Variants in LRFN5 observed in about 807,000 individuals in gnomAD.
LRFN5 encodes the protein leucine-rich repeat and fibronectin type-III domain-containing protein 5.
Under a neutral mutation model 45.6 loss-of-function variants are expected in LRFN5, and 24 were observed. That is an observed-to-expected ratio of 0.53 (90% CI 0.38 to 0.74). LRFN5 has a LOEUF of 0.74. Among genes scored for constraint, LRFN5 ranks in the 30% least tolerant of loss-of-function variants. LRFN5 has a pLI of 0.00. For missense variants in LRFN5, 776 were observed against 861.5 expected (o/e 0.90, Z 1.24); for synonymous variants, 340 against 313.8 (o/e 1.08, Z -0.88).
intron 2 of LRFN5, among the ~76,000 whole-genome samples, chr14:41,840,517 G>T (rs1888822476): frequency 6.6e-6 from 1 of 152,042 alleles, no homozygotes. Flanking sequence ...TACAGAAGTA[G>T]AATGTAAAAT....
chr14:41,767,828 G>A (rs765400361), intron 2 of LRFN5, among the ~76,000 whole-genome samples: 5 of 152,084 alleles, frequency 3.3e-5, no homozygotes, highest in African/African-American at 4.8e-5. Flanking sequence ...TAAAGACAAC[G>A]TCTCAGGAAA....
chr14:41,871,071 A>C (rs1890003057), intron 2 of LRFN5, among the ~76,000 whole-genome samples: 1 of 152,106 alleles, frequency 6.6e-6, no homozygotes, highest in African/African-American at 2.4e-5. Context: ...ATTCTCAGCT[A>C]GAAATAAGTG....
chr14:41,680,471 T>A (rs9783653), intron 1 of LRFN5, among the ~76,000 whole-genome samples: 3,130 of 152,242 alleles, frequency 0.021, 98 homozygotes, highest in African/African-American at 0.069. Flanking sequence ...AGTATCTTCC[T>A]GGTAATCAAG....
At chr14:41,876,821 C>G (rs970338567) in intron 2 of LRFN5, among the ~76,000 whole-genome samples, 1 of 152,092 alleles carries the variant, frequency 6.6e-6, no homozygotes. Context: ...GCAGCATCCT[C>G]AAACTTTGGC....
At chr14:41,860,847 C>T (rs1026789678) in intron 2 of LRFN5, among the ~76,000 whole-genome samples, 4 of 152,070 alleles carry the variant, frequency 2.6e-5, no homozygotes, top group East Asian at 1.9e-4. Context: ...ACTTGGAAAA[C>T]GAAAGCTACA....
chr14:41,662,829 C>G (rs1011686866), intron 1 of LRFN5, among the ~76,000 whole-genome samples: 4 of 152,094 alleles, frequency 2.6e-5, no homozygotes, highest in African/African-American at 9.7e-5. Flanking sequence ...CTGCACAACA[C>G]AAGGAAGGGA....
At chr14:41,610,661 T>TA (rs199770856) in intron 1 of LRFN5, among the ~76,000 whole-genome samples, 1,286 of 37,314 alleles carry the variant, frequency 0.034, 140 homozygotes, top group African/African-American at 0.056. Flanking sequence ...CCAGGGAAGG[T>TA]AAAAAAAAAA....
At chr14:41,650,236 T>TACACACACAC (rs1555351105) in intron 1 of LRFN5, among the ~76,000 whole-genome samples, 10 of 128,210 alleles carry the variant, frequency 7.8e-5, no homozygotes, top group African/African-American at 2.4e-4. Context: ...TCTACAAAAA[T>TACACACACAC]ACACACACAC....
At chr14:41,842,129 T>C (rs1284241826) in intron 2 of LRFN5, among the ~76,000 whole-genome samples, 1 of 152,046 alleles carries the variant, frequency 6.6e-6, no homozygotes, top group Non-Finnish European at 1.5e-5. Flanking sequence ...GGTTTGTTGT[T>C]TTTGGCTTTT....
intron 2 of LRFN5, among the ~76,000 whole-genome samples, chr14:41,782,722 CTGTAAATTCTTTCAG>C (rs1390463476): frequency 6.6e-6 from 1 of 152,142 alleles, no homozygotes; most frequent in Non-Finnish European, 1.5e-5. Context: ...GTGCCAGAGG[CTGTAAATTCTTTCAG>C]TGTACTTATT....
chr14:41,735,408 C>T (rs1262020200), intron 1 of LRFN5, among the ~76,000 whole-genome samples: 3 of 151,858 alleles, frequency 2.0e-5, no homozygotes, highest in African/African-American at 7.3e-5. Context: ...GCTGGGACCA[C>T]AGGTGTGCAC....
rs1203265392 is a variant in LRFN5, at chr14:41,891,945, G to A, written c.2081G>A (p.Arg694Lys). 6.2e-7 allele frequency: 1 copy of A among 1,613,352 alleles called. No individual in the cohort carries two copies. ...DSVTEGPTSK[R>K]AHIKPNALLT... Reference sequence around the variant, plus strand: ...GTCACAGAGGGGCCCACGTCTAAAAGAGCACATATAAAGCCAAGTAAGTTT... The same window carrying A: ...GTCACAGAGGGGCCCACGTCTAAAAAAGCACATATAAAGCCAAGTAAGTTT... The change falls in exon 4 of 6, where the codon AGA (arginine) becomes AAA (lysine). Residue 694 changes from arginine to lysine, a missense_variant. Coordinates refer to ENST00000298119, the MANE Select transcript of LRFN5 (RefSeq NM_152447.5).
At chr14:41,739,752 A>G (rs555760026) in intron 1 of LRFN5, among the ~76,000 whole-genome samples, 204 of 151,700 alleles carry the variant, frequency 1.3e-3, no homozygotes, top group African/African-American at 4.6e-3. Flanking sequence ...GAAAAACAGT[A>G]GAAAATATAA....
At chr14:41,829,941 C>A (rs1888424387) in intron 2 of LRFN5, among the ~76,000 whole-genome samples, 1 of 151,026 alleles carries the variant, frequency 6.6e-6, no homozygotes, top group African/African-American at 2.4e-5. Flanking sequence ...CTATTTAGAG[C>A]TTTGGATTTA....
chr14:41,837,425 T>G (rs1454902388), intron 2 of LRFN5, among the ~76,000 whole-genome samples: 1 of 152,112 alleles, frequency 6.6e-6, no homozygotes, highest in Non-Finnish European at 1.5e-5. Context: ...CTTCTTAGTC[T>G]CCTTACTCTG....
At chr14:41,722,849 C>A (rs1268909381) in intron 1 of LRFN5, among the ~76,000 whole-genome samples, 1 of 152,154 alleles carries the variant, frequency 6.6e-6, no homozygotes, top group Non-Finnish European at 1.5e-5. Context: ...ATGTTCTGTG[C>A]TCCTAAGGTG....
At chr14:41,901,476 A>G (rs960685061) in intron 5 of LRFN5, among the ~76,000 whole-genome samples, 11 of 151,418 alleles carry the variant, frequency 7.3e-5, no homozygotes, top group Non-Finnish European at 1.6e-4. Context: ...GTAGCTTTGC[A>G]CAAGAGCTAT....
At chr14:41,673,825 G>A (rs1409455679) in intron 1 of LRFN5, among the ~76,000 whole-genome samples, 1 of 148,448 alleles carries the variant, frequency 6.7e-6, no homozygotes, top group Non-Finnish European at 1.5e-5. Flanking sequence ...ATTCCCGGAT[G>A]GGGCAGATGG....
intron 1 of LRFN5, among the ~76,000 whole-genome samples, chr14:41,666,287 G>A (rs761410471): frequency 3.1e-4 from 47 of 151,932 alleles, no homozygotes; most frequent in Non-Finnish European, 6.2e-4. Context: ...GTAATTATTT[G>A]AAAGAGCTCC....
Sources: allele counts gnomAD v4.1 joint callset (sites outside exome capture counted in the v4.1 genomes callset), GRCh38; gene constraint gnomAD v4.1.1; transcripts MANE v1.5; gene names NCBI Gene and HGNC (gene_info 2026-07-23, HGNC 2026-07-21).